The following KDM4C variants were observed in gnomAD, a reference collection of about 807,000 sequenced individuals.
KDM4C encodes the protein lysine-specific demethylase 4C.
Under a neutral mutation model 129.3 loss-of-function variants are expected in KDM4C, and 81 were observed. The observed-to-expected ratio is 0.63, with a 90% confidence interval of 0.52 to 0.75. The LOEUF (loss-of-function observed/expected upper bound fraction) is 0.75. Ranked by LOEUF, KDM4C falls within the 30% of genes least tolerant of loss-of-function variation. KDM4C has a pLI of 0.00. For synonymous variants in KDM4C, 573 were observed against 456.1 expected (o/e 1.26, Z -3.26); for missense variants, 1,457 against 1,304.0 (o/e 1.12, Z -1.81).
At chr9:7,071,914 C>G (rs1164446166) in intron 17 of KDM4C, among the ~76,000 whole-genome samples, 3 of 152,126 alleles carry the variant, frequency 2.0e-5, no homozygotes, top group Non-Finnish European at 4.4e-5. Context: ...GCACAACACA[C>G]ACTTGATAAG....
chr9:6,783,201 A>G (rs906512129), intron 1 of KDM4C, among the ~76,000 whole-genome samples: 2 of 152,122 alleles, frequency 1.3e-5, no homozygotes, highest in African/African-American at 4.8e-5. Context: ...GACCTGTGGT[A>G]TAATAACCGC....
Position 6,829,464 on chromosome 9 carries a change from G to C in KDM4C, c.435+14719G>C, listed in dbSNP as rs571024665. Among the ~76,000 whole-genome samples the C allele has an allele frequency of 1.2e-3, 185 of 152,342 alleles. 1 individual carries two copies. Among genetic ancestry groups the C allele is most frequent in the Non-Finnish European group, 1.7e-3 (117 of 68,036 alleles). On this transcript the variant is annotated intron_variant, in intron 4 of 21. Coordinates refer to ENST00000381309, the MANE Select transcript of KDM4C (RefSeq NM_015061.6). ...GGTGAAAAGTGAGAGTTTTAGTGCT[G>C]AATTTGGCTGGTGAACATAAAGTCA... is the stretch of plus-strand genomic sequence containing the variant.
intron 8 of KDM4C, among the ~76,000 whole-genome samples, chr9:6,967,684 T>A (rs986417080): frequency 2.0e-5 from 3 of 152,206 alleles, no homozygotes; most frequent in Non-Finnish European, 4.4e-5. Context: ...TTACTTTCTC[T>A]GCCTTATAAT....
intron 4 of KDM4C, among the ~76,000 whole-genome samples, chr9:6,821,935 G>A (rs765229106): frequency 2.2e-4 from 34 of 152,150 alleles, no homozygotes; most frequent in Admixed American, 7.9e-4. Context: ...GTGCCCGGCT[G>A]GCCCCTCTTT....
chr9:6,994,710 A>G (rs900069175), intron 12 of KDM4C, among the ~76,000 whole-genome samples: 1 of 152,238 alleles, frequency 6.6e-6, no homozygotes, highest in Non-Finnish European at 1.5e-5. Context: ...CTGTCATATT[A>G]AAAGAAAAAT....
chr9:7,046,092 C>G (rs553328817), intron 15 of KDM4C, among the ~76,000 whole-genome samples: 2 of 152,050 alleles, frequency 1.3e-5, no homozygotes, highest in Non-Finnish European at 2.9e-5. Context: ...AGGCAGTGCA[C>G]TGCTCTCTGG....
Position 6,986,154 on chromosome 9 carries a change from G to A in KDM4C, c.1355-190G>A, listed in dbSNP as rs115719445. Among the ~76,000 whole-genome samples, 670 of 152,284 alleles carry A rather than the reference G, an allele frequency of 4.4e-3. 2 individuals are homozygous for A. Among genetic ancestry groups the A allele is most frequent in the African/African-American group, 0.016 (652 of 41,552 alleles). ...GGCATAATACTTGAGTAGAAGAACT[G>A]GGTTGTTCAGTATCAGAGCTAGTAT... On this transcript the variant is annotated intron_variant, in intron 10 of 21. Coordinates refer to ENST00000381309, the MANE Select transcript of KDM4C (RefSeq NM_015061.6).
At chr9:6,789,732 A>G (rs1341803491) in intron 1 of KDM4C, among the ~76,000 whole-genome samples, 1 of 152,002 alleles carries the variant, frequency 6.6e-6, no homozygotes, top group African/African-American at 2.4e-5. Flanking sequence ...CCTGAAGCCC[A>G]TGAATTTGGG....
intron 12 of KDM4C, among the ~76,000 whole-genome samples, chr9:6,993,527 T>G (rs1819135924): frequency 6.6e-6 from 1 of 152,168 alleles, no homozygotes; most frequent in Non-Finnish European, 1.5e-5. Flanking sequence ...ATCCAGGATA[T>G]GTACGTATTC....
intron 15 of KDM4C, among the ~76,000 whole-genome samples, chr9:7,031,785 G>C (rs1476596074): frequency 2.6e-5 from 4 of 151,994 alleles, no homozygotes; most frequent in Admixed American, 2.0e-4. Flanking sequence ...TGCTGCACGT[G>C]GCCATTTTAT....
chr9:6,760,451 A>ATATATATATG (rs1265819894), intron 1 of KDM4C, among the ~76,000 whole-genome samples: 33 of 150,110 alleles, frequency 2.2e-4, no homozygotes, highest in African/African-American at 7.6e-4. Context: ...TTGGGTATAT[A>ATATATATATG]TATATATATA....
chr9:7,083,719 G>GTGTGTGTGTGTGTA (rs1834806585), intron 17 of KDM4C, among the ~76,000 whole-genome samples: 1 of 145,136 alleles, frequency 6.9e-6, no homozygotes, highest in African/African-American at 2.8e-5. Flanking sequence ...TGATGTGTGT[G>GTGTGTGTGTGTGTA]TGTGTGTGTG....
chr9:6,916,450 T>G (rs1366736382), intron 8 of KDM4C, among the ~76,000 whole-genome samples: 2 of 152,198 alleles, frequency 1.3e-5, no homozygotes, highest in East Asian at 1.9e-4. Context: ...CTTAATTTGT[T>G]TTTTTATAGA....
At chr9:7,023,631 C>G (rs548282897) in intron 15 of KDM4C, among the ~76,000 whole-genome samples, 5 of 152,114 alleles carry the variant, frequency 3.3e-5, no homozygotes, top group Admixed American at 6.5e-5. Context: ...TTCAAATTCA[C>G]TTATTTCTAC....
intron 1 of KDM4C, among the ~76,000 whole-genome samples, chr9:6,766,458 C>T (rs957494559): frequency 6.6e-6 from 1 of 151,258 alleles, no homozygotes; most frequent in Non-Finnish European, 1.5e-5. Context: ...CAGTTGGCCC[C>T]CTTTAGTGGG....
intron 4 of KDM4C, among the ~76,000 whole-genome samples, chr9:6,819,438 T>C (rs368607810): frequency 6.6e-6 from 1 of 152,240 alleles, no homozygotes; most frequent in Non-Finnish European, 1.5e-5. Context: ...ATCCTCATCG[T>C]TTACAGGTTT....
chr9:6,895,502 A>G (rs1816267450), intron 8 of KDM4C, among the ~76,000 whole-genome samples: 1 of 152,206 alleles, frequency 6.6e-6, no homozygotes, highest in African/African-American at 2.4e-5. Flanking sequence ...AAGATAGCGC[A>G]TTCAAAGATC....
At chr9:7,127,965 C>G (rs1038828819) in intron 18 of KDM4C, 101 bp from the exon 19 acceptor site, 2 of 1,080,000 alleles carry the variant, frequency 1.9e-6, no homozygotes, top group African/African-American at 3.3e-5. Context: ...AAATCTTGGC[C>G]AAATAAATGA....
At chr9:7,046,381 T>C (rs993917372) in intron 15 of KDM4C, among the ~76,000 whole-genome samples, 2 of 151,946 alleles carry the variant, frequency 1.3e-5, no homozygotes, top group African/African-American at 2.4e-5. Context: ...GAAAAGAGTA[T>C]CGTTTAAAAA....
Sources: gnomAD v4.1 joint callset for allele counts (sites outside exome capture counted in the v4.1 genomes callset) on GRCh38, gnomAD v4.1.1 for gene constraint, MANE v1.5 for transcripts, NCBI Gene and HGNC (gene_info 2026-07-23, HGNC 2026-07-21) for gene names.